The following PROM1 variants were observed in gnomAD, a reference collection of about 807,000 sequenced individuals.
The protein encoded by PROM1 is prominin-1.
PROM1 carries 105 observed loss-of-function variants against 116.9 expected under a neutral mutation model. That is an observed-to-expected ratio of 0.90 (90% CI 0.77 to 1.06). PROM1 has a LOEUF of 1.06. Among genes scored for constraint, PROM1 ranks in the 50% least tolerant of loss-of-function variants. PROM1 has a pLI of 0.00. For missense variants in PROM1, 1,122 were observed against 1,045.2 expected (o/e 1.07, Z -1.01); for synonymous variants, 393 against 387.0 (o/e 1.02, Z -0.18).
In PROM1 at chr4:16,018,326, C is replaced by T. The variant is rs748015445; in HGVS notation, c.999G>A (p.Arg333=). The T allele has an allele frequency of 1.9e-6, 3 of 1,612,688 alleles. No individual in the cohort carries two copies. In the African/African-American group the frequency reaches 4.0e-5, roughly 22 times the overall value. ...LSQLNSNPEL[R]QLPPVDAELD... ...TGGCAAGCTCATGCCTGCTCACCTG[C>T]CTCAGTTCAGGGTTGCTATTCAGCT... The change falls in exon 9 of 28, where the codon AGG becomes AGA. Residue 333 remains arginine, a synonymous_variant. Transcript: ENST00000447510.
intron 3 of PROM1, among the ~76,000 whole-genome samples, chr4:16,037,198 G>A (rs1734125007): frequency 6.6e-6 from 1 of 152,130 alleles, no homozygotes; most frequent in Non-Finnish European, 1.5e-5. Flanking sequence ...TTGGCATTCG[G>A]GCTGGCTAAG....
At chr4:16,071,496 G>C (rs897414358) in intron 2 of PROM1, among the ~76,000 whole-genome samples, 9 of 152,188 alleles carry the variant, frequency 5.9e-5, no homozygotes, top group African/African-American at 2.2e-4. Flanking sequence ...ATGGTGTTTG[G>C]AGGTGGGGAT....
chr4:16,081,076 T>A (rs1426331399), intron 1 of PROM1, among the ~76,000 whole-genome samples: 2 of 151,162 alleles, frequency 1.3e-5, no homozygotes, highest in Non-Finnish European at 2.9e-5. Flanking sequence ...TATATTTTTT[T>A]ATTATACTTT....
intron 5 of PROM1, among the ~76,000 whole-genome samples, chr4:16,028,723 C>T (rs1053297934): frequency 6.6e-6 from 1 of 152,102 alleles, no homozygotes; most frequent in African/African-American, 2.4e-5. Flanking sequence ...GAGACATTTA[C>T]CTAACACAAA....
intron 25 of PROM1, 64 bp from the exon 26 acceptor site, chr4:15,979,527 G>T: frequency 1.3e-6 from 2 of 1,518,574 alleles, no homozygotes; most frequent in Admixed American, 2.1e-5. Flanking sequence ...TTTACATCAT[G>T]GATTACAAAG....
intron 23 of PROM1, among the ~76,000 whole-genome samples, chr4:15,980,911 C>T (rs1717704705): frequency 6.6e-6 from 1 of 151,524 alleles, no homozygotes; most frequent in Admixed American, 6.6e-5. Flanking sequence ...GCATGGATGG[C>T]CAGCAGGTTT....
intron 26 of PROM1, 103 bp from the exon 27 acceptor site, chr4:15,971,185 G>A (rs777281968): frequency 9.7e-6 from 9 of 924,454 alleles, no homozygotes; most frequent in Non-Finnish European, 1.3e-5. Flanking sequence ...AGGTACAGAC[G>A]AATATAAACC....
chr4:16,024,287 T>G lies in PROM1; in HGVS notation c.694+8A>C. 1 of 1,610,546 alleles carries G rather than the reference T, an allele frequency of 6.2e-7. No individual in the cohort carries two copies. Among genetic ancestry groups the G allele is most frequent in the Non-Finnish European group, 8.5e-7 (1 of 1,177,142 alleles). The stretch of plus-strand genomic sequence containing the variant: ...AAAAAATGTGAAGCAACTTTAAATT[T>G]TACTCACTGTTCAGATCTGTGAACG... On this transcript the variant is annotated splice_region_variant and intron_variant, in intron 7 of 27. Coordinates refer to ENST00000447510, the MANE Select transcript of PROM1 (RefSeq NM_006017.3).
chr4:16,038,927 T>A lies in PROM1; in HGVS notation c.276+19A>T. ...CATACTTCGTATTTTTAATAATAAA[T>A]ACACCAATGAAAAATTACCTTGTCA... On this transcript the variant is annotated intron_variant, in intron 3 of 27. Coordinates refer to ENST00000447510, the MANE Select transcript of PROM1 (RefSeq NM_006017.3). 1 of 1,464,708 alleles carries A rather than the reference T, an allele frequency of 6.8e-7. No homozygotes were observed. Among genetic ancestry groups the A allele is most frequent in the Non-Finnish European group, 9.0e-7 (1 of 1,106,042 alleles). The allele number at this position is 1,464,708 out of a possible 1,614,324, so 90.7% of individuals were successfully genotyped here.
intron 12 of PROM1, 93 bp downstream of exon 12, chr4:16,008,856 C>G (rs1036476919): frequency 4.8e-6 from 6 of 1,254,654 alleles, no homozygotes; most frequent in Middle Eastern, 2.7e-4. Context: ...ACAATTTGCT[C>G]TCATAAGATT....
At chr4:16,038,472 G>A (rs1014179209) in intron 3 of PROM1, among the ~76,000 whole-genome samples, 4 of 152,150 alleles carry the variant, frequency 2.6e-5, no homozygotes, top group South Asian at 2.1e-4. Context: ...GCACCATCTC[G>A]GCTCACTGCA....
chr4:16,012,769 G>C (rs1039843982), intron 11 of PROM1, among the ~76,000 whole-genome samples: 3 of 151,302 alleles, frequency 2.0e-5, no homozygotes, highest in Non-Finnish European at 4.4e-5. Flanking sequence ...TACTCAGGAG[G>C]CTGAGGCAGG....
At chr4:15,985,003 A>T (rs908835505) in intron 22 of PROM1, among the ~76,000 whole-genome samples, 7 of 152,194 alleles carry the variant, frequency 4.6e-5, no homozygotes, top group African/African-American at 1.7e-4. Context: ...TGCATGGATG[A>T]GTTCTGCATA....
intron 5 of PROM1, among the ~76,000 whole-genome samples, chr4:16,031,714 T>A (rs1732734049): frequency 6.6e-6 from 1 of 152,054 alleles, no homozygotes; most frequent in African/African-American, 2.4e-5. Context: ...CACCCCAATG[T>A]CATGGAGACA....
intron 5 of PROM1, among the ~76,000 whole-genome samples, chr4:16,032,772 T>TCC (rs1733024629): frequency 1.3e-5 from 2 of 152,204 alleles, no homozygotes; most frequent in Admixed American, 1.3e-4. Context: ...TCGTGAAGTG[T>TCC]GTTCCAGACT....
At chr4:16,015,421 G>A (rs188663675) in intron 10 of PROM1, among the ~76,000 whole-genome samples, 1 of 151,434 alleles carries the variant, frequency 6.6e-6, no homozygotes, top group Admixed American at 6.6e-5. Context: ...TGGGTGTGGT[G>A]GCTCATGCCT....
intron 8 of PROM1, among the ~76,000 whole-genome samples, chr4:16,022,006 A>C (rs1223090608): frequency 1.3e-5 from 2 of 152,104 alleles, no homozygotes; most frequent in Non-Finnish European, 2.9e-5. Flanking sequence ...GACATCAGAG[A>C]TGAGTGTCCC....
rs2149123828 is a variant in PROM1 at position 15,992,391 on chromosome 4, G to A, written c.1768C>T (p.His590Tyr). 3 of 1,610,086 alleles carry A rather than the reference G, an allele frequency of 1.9e-6. No individual in the cohort carries two copies. The highest frequency in any genetic ancestry group is 1.7e-6 in the Non-Finnish European group (2 of 1,178,138). The change falls in exon 17 of 28, where the codon CAT becomes TAT. Residue 590 changes from histidine (H) to tyrosine (Y), a missense_variant and splice_region_variant. Transcript: ENST00000447510. ...AATTCACTGCTTATGCTTCCAGTATGCTGCGAAAAAAGGAAGTTACAAATC... is the reference window on the plus strand; with the variant it reads ...AATTCACTGCTTATGCTTCCAGTATACTGCGAAAAAAGGAAGTTACAAATC... ...NISEHLNINE[H>Y]TGSISSELES... is the part of the protein sequence containing the mutation.
Position 16,075,953 on chromosome 4 carries a change from C to G in PROM1, c.-47G>C, listed in dbSNP as rs1478073409. ...ATGAGGTAGAACTTGGTGCCTCCTG[C>G]CTCAGAGCTTCTGGAAGCCTTGGGG... On this transcript the variant is annotated 5_prime_UTR_variant, in exon 2 of 28. Coordinates refer to ENST00000447510, the MANE Select transcript of PROM1 (RefSeq NM_006017.3). The G allele has an allele frequency of 4.6e-6, 7 of 1,530,258 alleles. No individual in the cohort carries two copies. Among genetic ancestry groups the G allele is most frequent in the Non-Finnish European group, 5.3e-6 (6 of 1,136,544 alleles). The allele number at this position is 1,530,258 out of a possible 1,614,324, so 94.8% of individuals were successfully genotyped here. A position where few individuals can be genotyped will look rare whatever the true frequency, so the allele number is the denominator to read the frequency against.
Sources: allele counts gnomAD v4.1 joint callset (sites outside exome capture counted in the v4.1 genomes callset), GRCh38; gene constraint gnomAD v4.1.1; transcripts MANE v1.5; gene names NCBI Gene and HGNC (gene_info 2026-07-23, HGNC 2026-07-21).